ADGRD1: variants seen among roughly 807,000 people sequenced by gnomAD.
ADGRD1 encodes the protein adhesion G protein-coupled receptor D1, also known as G-protein coupled receptor 133.
In ADGRD1, 77 loss-of-function variants were observed where a neutral mutation model predicts 113.4. The ratio of observed to expected loss-of-function variants is 0.68; its 90% confidence interval spans 0.57 to 0.82. ADGRD1 has a LOEUF of 0.82. Ranked by LOEUF, ADGRD1 falls within the 40% of genes least tolerant of loss-of-function variation. The pLI is 0.00. For missense variants in ADGRD1, 1,036 were observed against 1,139.1 expected (o/e 0.91, Z 1.30); for synonymous variants, 474 against 475.0 (o/e 1.00, Z 0.03).
chr12:130,989,956 A>G (rs771922861), intron 6 of ADGRD1: 7 of 152,236 alleles, frequency 4.6e-5, no homozygotes, highest in Non-Finnish European at 7.3e-5. Context: ...AAACACACTC[A>G]ACACGTGGGA....
Position 131,138,234 on chromosome 12 carries a change from G to A in ADGRD1, c.2529+5G>A. 1.9e-6 allele frequency: 3 copies of A among 1,611,900 alleles called. No homozygotes were observed. The highest frequency in any genetic ancestry group is 2.5e-6 in the Non-Finnish European group (3 of 1,178,666). On this transcript the variant is annotated splice_donor_5th_base_variant and intron_variant, in intron 24 of 24. Transcript: ENST00000261654. ...AAGCCCTTCCACTCGGACCTCGTGAGTGCAGCCTCCATAAACCGAGGGTCC... is the reference window on the plus strand; with the variant it reads ...AAGCCCTTCCACTCGGACCTCGTGAATGCAGCCTCCATAAACCGAGGGTCC...
chr12:131,104,936 T>C lies in ADGRD1; in HGVS notation c.1775+2T>C, dbSNP rs1334829893. The C allele has an allele frequency of 9.1e-6, 14 of 1,542,758 alleles. No individual in the cohort carries two copies. The highest frequency in any genetic ancestry group is 1.1e-5 in the Non-Finnish European group (12 of 1,140,962). ...GCTGGTCACCTTCGCCGTGCTGTCG[T>C]GAGTCCCCTTTTCTAATCCACCCAA... On this transcript the variant is annotated splice_donor_variant, in intron 16 of 24. Transcript: ENST00000261654. LOFTEE classifies it high-confidence loss of function.
At chr12:131,046,197 A>G (rs1882716206) in intron 13 of ADGRD1, among the ~76,000 whole-genome samples, 1 of 110,638 alleles carries the variant, frequency 9.0e-6, no homozygotes, top group African/African-American at 3.5e-5. Context: ...CTCCCTGGTC[A>G]GTGCTCCCTC....
intron 17 of ADGRD1, 36 bp from the exon 18 acceptor site, chr12:131,108,688 G>C (rs1353597231): frequency 6.2e-7 from 1 of 1,614,026 alleles, no homozygotes; most frequent in Admixed American, 1.7e-5. Flanking sequence ...GCCCACCCCA[G>C]AGCTGTCTCA....
At chr12:131,015,919 G>C (rs1046960426) in intron 13 of ADGRD1, among the ~76,000 whole-genome samples, 1 of 152,244 alleles carries the variant, frequency 6.6e-6, no homozygotes, top group South Asian at 2.1e-4. Flanking sequence ...TGGGACTCAA[G>C]GTTCCCTGCA....
chr12:130,995,636 G>A lies in ADGRD1; in HGVS notation c.966+3244G>A, dbSNP rs540606388. Among the ~76,000 whole-genome samples, 6 of 152,198 alleles carry A rather than the reference G, an allele frequency of 3.9e-5. No homozygotes were observed. In the East Asian group the frequency reaches 9.6e-4, roughly 24 times the overall value. ...AACTCAAGGCCACCTGTCTGTAACC[G>A]TTAGGGTGACTGATTCTGATTTTGC... On this transcript the variant is annotated intron_variant, in intron 8 of 24. Transcript: ENST00000261654.
intron 3 of ADGRD1, chr12:130,968,413 G>A (rs1312118612): frequency 2.0e-5 from 3 of 153,490 alleles, no homozygotes; most frequent in Admixed American, 1.3e-4. Flanking sequence ...ATTGATTACA[G>A]CCTTCTTAAG....
intron 13 of ADGRD1, among the ~76,000 whole-genome samples, chr12:131,037,040 GGGGCCTCACTCACTGCACC>G (rs1881532496): frequency 7.6e-6 from 1 of 131,788 alleles, no homozygotes; most frequent in African/African-American, 2.9e-5. Context: ...CTCACTGCAT[GGGGCCTCACTCACTGCACC>G]GGGTCTCACT....
chr12:131,057,716 C>T lies in ADGRD1; in HGVS notation c.1474-19085C>T, dbSNP rs539044531. Reference sequence around the variant, plus strand: ...ATCTTCAACGTTACATTAATGACATCTGCAAGGACCCCATTTCCAAATAGG... The same window carrying T: ...ATCTTCAACGTTACATTAATGACATTTGCAAGGACCCCATTTCCAAATAGG... On this transcript the variant is annotated intron_variant, in intron 13 of 24. Coordinates refer to ENST00000261654, the MANE Select transcript of ADGRD1 (RefSeq NM_198827.5). The surrounding 1 kb of genome is among the most constrained non-coding windows in gnomAD (Gnocchi z 4.2). Among the ~76,000 whole-genome samples, 1 of 152,310 alleles carries T rather than the reference C, an allele frequency of 6.6e-6. No individual in the cohort carries two copies. Among genetic ancestry groups the T allele is most frequent in the South Asian group, 2.1e-4 (1 of 4,830 alleles).
chr12:130,967,794 C>T (rs951274649), intron 3 of ADGRD1: 1 of 152,302 alleles, frequency 6.6e-6, no homozygotes. Context: ...CCCTGCCCAG[C>T]ATCGCTCTCA....
intron 13 of ADGRD1, among the ~76,000 whole-genome samples, chr12:131,040,983 G>A (rs1456695547): frequency 6.6e-6 from 1 of 152,218 alleles, no homozygotes; most frequent in Non-Finnish European, 1.5e-5. Context: ...CTGTGTGGCA[G>A]GACAGTGGGG....
intron 13 of ADGRD1, among the ~76,000 whole-genome samples, chr12:131,064,769 G>C (rs1362611385): frequency 6.6e-6 from 1 of 152,204 alleles, no homozygotes; most frequent in East Asian, 1.9e-4. Context: ...AAACCTTAAT[G>C]TTTTCCCCAC....
At chr12:131,061,438 C>T (rs1272657270) in intron 13 of ADGRD1, among the ~76,000 whole-genome samples, 2 of 152,198 alleles carry the variant, frequency 1.3e-5, no homozygotes, top group Admixed American at 1.3e-4. Context: ...TAGTAGGATC[C>T]TCTTCTCGCC....
chr12:131,044,303 G>A (rs979737431), intron 13 of ADGRD1, among the ~76,000 whole-genome samples: 13 of 152,074 alleles, frequency 8.5e-5, no homozygotes, highest in Non-Finnish European at 1.8e-4. Context: ...CAAAAGCATC[G>A]GGGCCGAGGA....
At chr12:131,074,583 C>G (rs1407873215) in intron 13 of ADGRD1, among the ~76,000 whole-genome samples, 1 of 152,198 alleles carries the variant, frequency 6.6e-6, no homozygotes, top group East Asian at 1.9e-4. Flanking sequence ...ATGCAGATGA[C>G]TTACATTCTG....
rs368761002 is a variant in ADGRD1, at chr12:131,123,060, T to G, written c.2175+2147T>G. Among the ~76,000 whole-genome samples the G allele has an allele frequency of 9.4e-4, 125 of 132,830 alleles. 1 individual carries two copies. The highest frequency in any genetic ancestry group is 1.6e-3 in the East Asian group (7 of 4,472). 87.1% of individuals were successfully genotyped at this position (132,830 alleles called of 152,430 possible). On this transcript the variant is annotated intron_variant, in intron 20 of 24. Transcript: ENST00000261654. ...GGGAGTTTTTTTTTTTTTTTTTTTTTTTTTTTTTTTTTTGCGACAGAGTCT... is the reference window on the plus strand; with the variant it reads ...GGGAGTTTTTTTTTTTTTTTTTTTTGTTTTTTTTTTTTTGCGACAGAGTCT...
intron 13 of ADGRD1, among the ~76,000 whole-genome samples, chr12:131,020,324 C>T (rs560539509): frequency 2.0e-5 from 3 of 151,356 alleles, no homozygotes; most frequent in Non-Finnish European, 4.4e-5. Flanking sequence ...GGGAGATGTT[C>T]CAGGGGCAAG....
Position 131,140,295 on chromosome 12 carries a change from A to G in ADGRD1, c.*1032A>G, listed in dbSNP as rs1329554450. 5.3e-5 allele frequency: 8 copies of G among 152,192 alleles called. No homozygotes were observed. Among genetic ancestry groups the G allele is most frequent in the Admixed American group, 4.6e-4 (7 of 15,280 alleles). 9.4% of individuals were successfully genotyped at this position (152,192 alleles called of 1,614,324 possible). Reference sequence around the variant, plus strand: ...GCACAGTGCGCTCCGTCTGGTCACCATGAGACCGACCTGCGCTGAGTCCCC... The same window carrying G: ...GCACAGTGCGCTCCGTCTGGTCACCGTGAGACCGACCTGCGCTGAGTCCCC... On this transcript the variant is annotated 3_prime_UTR_variant, in exon 25 of 25. Coordinates refer to ENST00000261654, the MANE Select transcript of ADGRD1 (RefSeq NM_198827.5).
intron 13 of ADGRD1, chr12:131,026,310 T>G (rs1383901051): frequency 6.6e-6 from 1 of 152,176 alleles, no homozygotes; most frequent in Admixed American, 6.5e-5. Flanking sequence ...ATGGAATCCC[T>G]TATTCTCCCA....
Sources: allele counts gnomAD v4.1 joint callset (sites outside exome capture counted in the v4.1 genomes callset), GRCh38; gene constraint gnomAD v4.1.1; non-coding constraint Gnocchi (gnomAD v3.1); transcripts MANE v1.5; gene names NCBI Gene and HGNC (gene_info 2026-07-23, HGNC 2026-07-21).